The following TNFRSF14 variants were observed in gnomAD, a reference collection of about 807,000 sequenced individuals.
The protein encoded by TNFRSF14 is tumor necrosis factor receptor superfamily member 14.
In TNFRSF14, 18 loss-of-function variants were observed where a neutral mutation model predicts 34.1. The ratio of observed to expected loss-of-function variants is 0.53; its 90% CI spans 0.36 to 0.78. TNFRSF14 has a LOEUF of 0.78. TNFRSF14 is among the 30% of genes least tolerant of loss of function. TNFRSF14 has a pLI of 0.00. For missense variants in TNFRSF14, 352 were observed against 379.5 expected, an observed-to-expected ratio of 0.93 and a Z score of 0.60; for synonymous variants, 157 against 153.2, an observed-to-expected ratio of 1.02 and a Z score of -0.18.
chr1:2,557,809 C>T lies in TNFRSF14; in HGVS notation c.153C>T (p.Ser51=), dbSNP rs552271642. The T allele has an allele frequency of 1.7e-5, 27 of 1,611,088 alleles. No homozygotes were observed. Among genetic ancestry groups the T allele is most frequent in the Admixed American group, 1.2e-4 (7 of 59,854 alleles). Residue 51 remains serine, a synonymous_variant, in exon 2 of 8, where the codon TCC becomes TCT. Transcript: ENST00000355716. ...AGGAGGACGAGTACCCAGTGGGCTC[C>T]GAGTGCTGCCCCAAGTGCAGTCCAG... The part of the protein sequence containing the change: ...SCKEDEYPVG[S]ECCPKCSPGY...
upstream of TNFRSF14, chr1:2,556,029 A>C: frequency 4.5e-6 from 1 of 224,368 alleles, no homozygotes; most frequent in Non-Finnish European, 9.2e-6. Context: ...CTCCCAGGGG[A>C]CGGGTAGGGG....
intron 3 of TNFRSF14, chr1:2,559,246 C>T: frequency 2.9e-6 from 4 of 1,369,762 alleles, no homozygotes; most frequent in South Asian, 1.2e-5. Flanking sequence ...CCTCAACCTG[C>T]ATGCCCAGTT....
At chr1:2,558,841 G>A in intron 3 of TNFRSF14, 1 of 1,324,004 alleles carries the variant, frequency 7.6e-7, no homozygotes. Context: ...ACTCGGGCCT[G>A]CTGCTTCCCC....
chr1:2,559,059 G>A, intron 3 of TNFRSF14: 1 of 1,369,514 alleles, frequency 7.3e-7, no homozygotes, highest in Non-Finnish European at 9.6e-7. Context: ...GGCTCAGCAT[G>A]GCCAGTGCTC....
chr1:2,559,284 C>T (rs756679630), intron 3 of TNFRSF14: 1 of 1,366,776 alleles, frequency 7.3e-7, no homozygotes, highest in African/African-American at 1.4e-5. Context: ...TGTGAAAGCA[C>T]CTGTCTACTT....
At chr1:2,558,666 C>A in intron 3 of TNFRSF14, 198 bp downstream of exon 3, 2 of 1,188,510 alleles carry the variant, frequency 1.7e-6, no homozygotes, top group Non-Finnish European at 2.3e-6. Context: ...CTCTGTCTCA[C>A]CTCTCACTTT....
Position 2,561,899 on chromosome 1 carries a change from C to A in TNFRSF14, c.694+84C>A. ...TGTCACCCCAAGCCTGGGAGGTGGCCCCAGAGCTTTTCCAGGATCCGCGGC... is the reference window on the plus strand; with the variant it reads ...TGTCACCCCAAGCCTGGGAGGTGGCACCAGAGCTTTTCCAGGATCCGCGGC... On this transcript the variant is annotated intron_variant, in intron 6 of 7. Transcript: ENST00000355716. This position sits in a 1 kb window ranked among gnomAD's most constrained non-coding sequence, Gnocchi z 6.0. 6.9e-7 allele frequency: 1 copy of A among 1,443,844 alleles called. No individual in the cohort carries two copies. The highest frequency in any genetic ancestry group is 9.4e-7 in the Non-Finnish European group (1 of 1,060,660). The allele number at this position is 1,443,844 out of a possible 1,614,324, so 89.4% of individuals were successfully genotyped here.
At chr1:2,557,896 C>A in intron 2 of TNFRSF14, 62 bp downstream of exon 2, 1 of 1,337,486 alleles carries the variant, frequency 7.5e-7, no homozygotes, top group Non-Finnish European at 1.0e-6. Flanking sequence ...TTGCCCCCTT[C>A]TGCCCCAGAC....
In TNFRSF14 at chr1:2,563,495, T is replaced by A; in HGVS notation, c.*222T>A. ...CAGTGAGGGCCTGGGGCCTCTGTTC[T>A]GCTGTGGCCTGAGCTCCCCAGAGTC... On this transcript the variant is annotated 3_prime_UTR_variant, in exon 8 of 8. Transcript: ENST00000355716. The A allele has an allele frequency of 1.5e-6, 1 of 649,122 alleles. No homozygotes were observed. The highest frequency in any genetic ancestry group is 2.5e-6 in the Non-Finnish European group (1 of 395,546). 40.2% of individuals were successfully genotyped at this position (649,122 alleles called of 1,614,324 possible).
At position 2,563,591 on chromosome 1, in the gene TNFRSF14, C is replaced by G. The variant is rs11558734; in HGVS notation, c.*318C>G. The G allele has an allele frequency of 2.8e-6, 1 of 363,208 alleles. No individual in the cohort carries two copies. Among genetic ancestry groups the G allele is most frequent in the African/African-American group, 2.0e-5 (1 of 49,682 alleles). The allele number at this position is 363,208 out of a possible 1,614,324, so 22.5% of individuals were successfully genotyped here. ...AGCCCTCCTGGGCCAGCCCAGAGGG[C>G]CCTTCAGACCCCAGCTGTCTGCGCG... is the stretch of plus-strand genomic sequence containing the variant. On this transcript the variant is annotated 3_prime_UTR_variant, in exon 8 of 8. Transcript: ENST00000355716.
intron 2 of TNFRSF14, among the ~76,000 whole-genome samples, chr1:2,558,077 T>C (rs1458052495): frequency 6.6e-6 from 1 of 152,170 alleles, no homozygotes; most frequent in Non-Finnish European, 1.5e-5. Flanking sequence ...TGGCCCACCG[T>C]GGCCAGAGAC....
intron 3 of TNFRSF14, 46 bp downstream of exon 3, chr1:2,558,514 G>A: frequency 6.2e-7 from 1 of 1,609,814 alleles, no homozygotes; most frequent in East Asian, 2.2e-5. Flanking sequence ...GGGCAGCCTG[G>A]ATGCCCCCGC....
chr1:2,557,255 C>G (rs546313111), intron 1 of TNFRSF14, among the ~76,000 whole-genome samples: 1 of 152,370 alleles, frequency 6.6e-6, no homozygotes, highest in South Asian at 2.1e-4. Flanking sequence ...AGCCCAGGAA[C>G]GAGGCCACGG....
chr1:2,557,221 G>A (rs1001314482), intron 1 of TNFRSF14, among the ~76,000 whole-genome samples: 8 of 152,224 alleles, frequency 5.3e-5, no homozygotes, highest in Admixed American at 2.0e-4. Context: ...ATCCCCATCA[G>A]GGGCCCCCGA....
rs973256067 is a variant in TNFRSF14 at position 2,558,655 on chromosome 1, C to T, written c.304+187C>T. 32 of 1,230,270 alleles carry T rather than the reference C, an allele frequency of 2.6e-5. No homozygotes were observed. The African/African-American group carries it at 3.5e-4, about 13-fold the overall frequency. 76.2% of individuals were successfully genotyped at this position (1,230,270 alleles called of 1,614,324 possible). On this transcript the variant is annotated intron_variant, in intron 3 of 7. Transcript: ENST00000355716. The stretch of plus-strand genomic sequence containing the variant: ...GAGGTCAGCCTCCGGCCCCCGTCCA[C>T]CTCTGTCTCACCTCTCACTTTGTCA...
chr1:2,556,210 TGTCA>T (rs1366001197), upstream of TNFRSF14: 13 of 434,328 alleles, frequency 3.0e-5, no homozygotes, highest in East Asian at 1.3e-4. Flanking sequence ...TCGGCAAAAA[TGTCA>T]GTCAGCGCCC....
upstream of TNFRSF14, chr1:2,554,969 CCTT>C (rs1172034630): frequency 3.3e-5 from 5 of 152,152 alleles, no homozygotes; most frequent in Admixed American, 1.3e-4. The surrounding 1 kb of genome is among the most constrained non-coding windows in gnomAD (Gnocchi z 4.2). Flanking sequence ...CAAGGGGCCC[CCTT>C]CTTCTTCCTT....
chr1:2,562,918 TC>T, intron 7 of TNFRSF14, 22 bp downstream of exon 7: 1 of 1,600,596 alleles, frequency 6.2e-7, no homozygotes, highest in Non-Finnish European at 8.6e-7. Flanking sequence ...CCTCCCCCTC[TC>T]CCTCCCCCCT....
rs772430953 is a variant in TNFRSF14, at chr1:2,561,764, G to A, written c.643G>A (p.Val215Ile). Reference sequence around the variant, plus strand: ...CTCAGGGAGCCTCGTCATCGTCATTGTTTGCTCCACAGTTGGCCTAATCAT... The same window carrying A: ...CTCAGGGAGCCTCGTCATCGTCATTATTTGCTCCACAGTTGGCCTAATCAT... ...FLSGSLVIVI[V>I]CSTVGLIICV... is the part of the protein sequence containing the mutation. Residue 215 changes from valine to isoleucine, a missense_variant, in exon 6 of 8, where the codon GTT (valine) becomes ATT (isoleucine). Transcript: ENST00000355716. The surrounding 1 kb of genome is among the most constrained non-coding windows in gnomAD (Gnocchi z 6.0). The A allele has an allele frequency of 5.0e-6, 8 of 1,613,728 alleles. No individual in the cohort carries two copies. The highest frequency in any genetic ancestry group is 6.8e-6 in the Non-Finnish European group (8 of 1,180,006).
Sources: gnomAD v4.1 joint callset for allele counts (sites outside exome capture counted in the v4.1 genomes callset) on GRCh38, gnomAD v4.1.1 for gene constraint, Gnocchi (gnomAD v3.1) non-coding constraint, MANE v1.5 for transcripts, NCBI Gene and HGNC (gene_info 2026-07-23, HGNC 2026-07-21) for gene names.